The following WDSUB1 variants were observed in gnomAD, a reference collection of about 807,000 sequenced individuals.
WDSUB1 encodes the protein WD repeat, SAM and U-box domain-containing protein 1.
WDSUB1 carries 49 observed loss-of-function variants against 53.9 expected under a neutral mutation model. The ratio of observed to expected loss-of-function variants is 0.91; its 90% confidence interval spans 0.72 to 1.15. WDSUB1 has a LOEUF of 1.15. Ranked by LOEUF, WDSUB1 falls within the 50% of genes most tolerant of loss-of-function variation. The probability of loss-of-function intolerance (pLI) is 0.00; values close to 1 mark genes in which losing one functional copy is unlikely to be tolerated. For synonymous variants in WDSUB1, 194 were observed against 200.6 expected (o/e 0.97, Z 0.28); for missense variants, 514 against 562.0 (o/e 0.91, Z 0.86).
At chr2:159,276,600 A>G (rs1316850601) in intron 3 of WDSUB1, among the ~76,000 whole-genome samples, 1 of 152,238 alleles carries the variant, frequency 6.6e-6, no homozygotes, top group Non-Finnish European at 1.5e-5. Flanking sequence ...TATATCTACT[A>G]AAGTTCCTAA....
chr2:159,243,129 C>A (rs1263394515), intron 10 of WDSUB1, among the ~76,000 whole-genome samples: 1 of 147,414 alleles, frequency 6.8e-6, no homozygotes, highest in African/African-American at 2.6e-5. Flanking sequence ...TGTATGTTTC[C>A]CATAGGAACA....
Position 159,282,711 on chromosome 2 carries a change from G to T in WDSUB1, c.359C>A (p.Thr120Asn), listed in dbSNP as rs149392254. 316 of 1,613,942 alleles carry T rather than the reference G, an allele frequency of 2.0e-4. 1 individual carries two copies. In the African/African-American group the frequency reaches 3.8e-3, roughly 19 times the overall value. ...TCLASGAADG[T>N]VVLWNAQSYK... ...TGACTGTGCATTCCACAAAACCACA[G>T]TTCCATCAGCTGCCCCTGATGCCAA... The change falls in exon 2 of 11, where the codon ACT (threonine) becomes AAT (asparagine). Residue 120 changes from threonine to asparagine, a missense_variant. By Grantham distance (65) the Thr-to-Asn change is moderately conservative. Transcript: ENST00000359774.
At chr2:159,273,685 G>T (rs1465376906) in intron 4 of WDSUB1, among the ~76,000 whole-genome samples, 1 of 152,162 alleles carries the variant, frequency 6.6e-6, no homozygotes, top group African/African-American at 2.4e-5. Flanking sequence ...CTCCCAAAGT[G>T]CTGGGATTAC....
At position 159,257,744 on chromosome 2, in the gene WDSUB1, A is replaced by T; in HGVS notation, c.952+14T>A. The T allele has an allele frequency of 6.2e-7, 1 of 1,606,408 alleles. No individual in the cohort carries two copies. Among genetic ancestry groups the T allele is most frequent in the Non-Finnish European group, 8.5e-7 (1 of 1,173,244 alleles). On this transcript the variant is annotated intron_variant, in intron 8 of 10. Coordinates refer to ENST00000359774, the MANE Select transcript of WDSUB1 (RefSeq NM_001128212.3). ...GTGGGGTTGAAATGAGTGAAAAATG[A>T]TGTCCTTACTAACCTTGGCAAAGTG... is the stretch of plus-strand genomic sequence containing the variant.
chr2:159,275,691 C>CT, intron 3 of WDSUB1, 53 bp from the exon 4 acceptor site: 1 of 1,402,828 alleles, frequency 7.1e-7, no homozygotes, highest in Non-Finnish European at 9.8e-7. Context: ...TGAAACCCCC[C>CT]CAAAATTCCC....
At chr2:159,279,360 T>C (rs910252628) in intron 3 of WDSUB1, among the ~76,000 whole-genome samples, 6 of 152,248 alleles carry the variant, frequency 3.9e-5, no homozygotes, top group African/African-American at 1.4e-4. Context: ...AAAACACAGC[T>C]TCTATTTCCA....
intron 3 of WDSUB1, among the ~76,000 whole-genome samples, chr2:159,276,050 T>C (rs1400905209): frequency 7.0e-6 from 1 of 143,006 alleles, no homozygotes; most frequent in Non-Finnish European, 1.5e-5. Context: ...TTTAAGGTCA[T>C]AGCAATTTCT....
chr2:159,260,539 C>A (rs1195667323), intron 5 of WDSUB1, among the ~76,000 whole-genome samples: 1 of 152,088 alleles, frequency 6.6e-6, no homozygotes, highest in Non-Finnish European at 1.5e-5. Context: ...TAAGGCGTGC[C>A]TTAAATGCTA....
rs76949320 is a variant in WDSUB1 at position 159,259,809 on chromosome 2, C to T, written c.804+1G>A. ...TCACCACAAGATTTTTAAATACTTACAGTATCATATACTATGACAGACTTA... is the reference window on the plus strand; with the variant it reads ...TCACCACAAGATTTTTAAATACTTATAGTATCATATACTATGACAGACTTA... On this transcript the variant is annotated splice_donor_variant, in intron 6 of 10. Transcript: ENST00000359774. LOFTEE classifies it high-confidence loss of function. 11 of 1,523,272 alleles carry T rather than the reference C, an allele frequency of 7.2e-6. No individual in the cohort carries two copies. The Admixed American group carries it at 1.9e-4, about 27-fold the overall frequency. 94.4% of individuals were successfully genotyped at this position (1,523,272 alleles called of 1,614,324 possible). A position where few individuals can be genotyped will look rare whatever the true frequency, so the allele number is the denominator to read the frequency against.
chr2:159,256,369 C>T lies in WDSUB1; in HGVS notation c.959G>A (p.Arg320His), dbSNP rs141991034. ...FDLETLCQAR[R>H]TEHQLKQFTE... ...AAATTGCTTCAGCTGATGTTCTGTG[C>T]GCCTTGCTTAAAATAAACAAACAAG... is the stretch of plus-strand genomic sequence containing the variant. Residue 320 changes from arginine (R) to histidine (H), a missense_variant, in exon 9 of 11, where the codon CGC becomes CAC. Arg to His is a conservative substitution (Grantham distance 29, BLOSUM62 0). Coordinates refer to ENST00000359774, the MANE Select transcript of WDSUB1 (RefSeq NM_001128212.3). 1.8e-5 allele frequency: 29 copies of T among 1,608,028 alleles called. No individual in the cohort carries two copies. Among genetic ancestry groups the T allele is most frequent in the Admixed American group, 5.1e-5 (3 of 58,414 alleles).
At chr2:159,269,111 T>C (rs1487393261) in intron 5 of WDSUB1, among the ~76,000 whole-genome samples, 4 of 151,794 alleles carry the variant, frequency 2.6e-5, no homozygotes, top group Non-Finnish European at 5.9e-5. Flanking sequence ...GAGGCAATAC[T>C]TGAAGAGATA....
intron 3 of WDSUB1, among the ~76,000 whole-genome samples, chr2:159,276,530 G>A (rs2061545082): frequency 6.6e-6 from 1 of 152,140 alleles, no homozygotes; most frequent in African/African-American, 2.4e-5. Context: ...AAAGTAATCA[G>A]TTATATGGTG....
intron 9 of WDSUB1, 38 bp from the exon 10 acceptor site, chr2:159,248,550 G>T: frequency 6.8e-7 from 1 of 1,468,046 alleles, no homozygotes; most frequent in South Asian, 1.5e-5. Flanking sequence ...ATAACTACTA[G>T]TAATCCTTAC....
intron 5 of WDSUB1, among the ~76,000 whole-genome samples, chr2:159,267,004 C>T (rs913495977): frequency 7.3e-5 from 11 of 151,602 alleles, no homozygotes; most frequent in East Asian, 3.9e-4. Flanking sequence ...AACTCCTGGG[C>T]GCAAGTGATC....
rs1320130745 is a variant in WDSUB1 at position 159,242,994 on chromosome 2, T to G, written c.1273+5378A>C. On this transcript the variant is annotated intron_variant, in intron 10 of 10. Transcript: ENST00000359774. Reference sequence around the variant, plus strand: ...AAAAATGTAGGTGGGAAAAGGAAAGTAGAAGAGAAATTAGAATTATATGCT... The same window carrying G: ...AAAAATGTAGGTGGGAAAAGGAAAGGAGAAGAGAAATTAGAATTATATGCT... Among the ~76,000 whole-genome samples, 2 of 147,836 alleles carry G rather than the reference T, an allele frequency of 1.4e-5. 1 individual carries two copies. Among genetic ancestry groups the G allele is most frequent in the African/African-American group, 5.3e-5 (2 of 38,040 alleles).
chr2:159,265,102 A>AAC (rs1553457379), intron 5 of WDSUB1, among the ~76,000 whole-genome samples: 3,901 of 146,002 alleles, frequency 0.027, 76 homozygotes, highest in African/African-American at 0.049. Context: ...AAAAAAAATA[A>AAC]AACAACAACA....
intron 3 of WDSUB1, among the ~76,000 whole-genome samples, chr2:159,279,333 A>C (rs1477226215): frequency 6.6e-6 from 1 of 152,260 alleles, no homozygotes; most frequent in African/African-American, 2.4e-5. Flanking sequence ...CTTTTCGAAG[A>C]TTAAATTAGT....
In WDSUB1 at chr2:159,248,525, T is replaced by TA. The variant is rs529959664; in HGVS notation, c.1133-14dup. The TA allele has an allele frequency of 2.4e-4, 359 of 1,487,398 alleles. No individual in the cohort carries two copies. Among genetic ancestry groups the TA allele is most frequent in the Admixed American group, 3.0e-4 (12 of 39,478 alleles). The allele number at this position is 1,487,398 out of a possible 1,614,324, so 92.1% of individuals were successfully genotyped here. A position where few individuals can be genotyped will look rare whatever the true frequency, so the allele number is the denominator to read the frequency against. On this transcript the variant is annotated splice_polypyrimidine_tract_variant and intron_variant, in intron 9 of 10. Transcript: ENST00000359774. ...AGTCCTAGAGATTCTGAAAAGAAAT[T>TA]ACTGTTAGGGCTGGATAACTACTAG...
chr2:159,244,175 G>A (rs898261511), intron 10 of WDSUB1, among the ~76,000 whole-genome samples: 2 of 151,984 alleles, frequency 1.3e-5, no homozygotes, highest in Admixed American at 1.3e-4. Flanking sequence ...AGGTAACAAT[G>A]TCTACACACC....
Sources: allele counts gnomAD v4.1 joint callset (sites outside exome capture counted in the v4.1 genomes callset), GRCh38; gene constraint gnomAD v4.1.1; transcripts MANE v1.5; gene names NCBI Gene and HGNC (gene_info 2026-07-23, HGNC 2026-07-21).